ROBO2: variants seen among roughly 807,000 people sequenced by gnomAD.
ROBO2 encodes roundabout homolog 2.
A neutral mutation model predicts 160.8 loss-of-function variants in ROBO2; 53 were observed. The ratio of observed to expected loss-of-function variants is 0.33; its 90% CI spans 0.26 to 0.41. The LOEUF (loss-of-function observed/expected upper bound fraction) is 0.41, where lower values mean the gene tolerates loss of function less well. Among genes scored for constraint, ROBO2 ranks in the 10% least tolerant of loss-of-function variants. The pLI, the probability that ROBO2 is intolerant of heterozygous loss-of-function variation, is 1.00. For synonymous variants in ROBO2, 664 were observed against 611.7 expected, an observed-to-expected ratio of 1.09 and a Z score of -1.26; for missense variants, 1,577 against 1,722.4, an observed-to-expected ratio of 0.92 and a Z score of 1.49.
intron 2 of ROBO2, among the ~76,000 whole-genome samples, chr3:76,076,825 T>A (rs887035426): frequency 6.6e-6 from 1 of 152,216 alleles, no homozygotes; most frequent in Admixed American, 6.5e-5. Context: ...AAACTCTAAT[T>A]AAAGAGATGC....
Position 77,021,890 on chromosome 3 carries a change from A to G in ROBO2, c.110-76124A>G, listed in dbSNP as rs182929802. Among the ~76,000 whole-genome samples, 51 of 152,276 alleles carry G rather than the reference A, an allele frequency of 3.3e-4. No homozygotes were observed. In the East Asian group the frequency reaches 8.9e-3, roughly 27 times the overall value. On this transcript the variant is annotated intron_variant, in intron 2 of 26. Transcript: ENST00000487694. ...AAGCAGGAAGGTCTTCACCAGATGAAGCCCCTTGATCTTGGACTTCCCAGC... is the reference window on the plus strand; with the variant it reads ...AAGCAGGAAGGTCTTCACCAGATGAGGCCCCTTGATCTTGGACTTCCCAGC...
intron 2 of ROBO2, among the ~76,000 whole-genome samples, chr3:77,025,909 A>T (rs867321021): frequency 6.6e-6 from 1 of 152,346 alleles, no homozygotes; most frequent in Middle Eastern, 3.4e-3. Flanking sequence ...ACAGGCAGAC[A>T]CAATTAATTC....
At chr3:76,466,579 TAATC>T (rs2078373255) in intron 2 of ROBO2, among the ~76,000 whole-genome samples, 2 of 152,060 alleles carry the variant, frequency 1.3e-5, no homozygotes, top group South Asian at 2.1e-4. Context: ...AAATATCTGA[TAATC>T]AATATTTTTA....
At chr3:76,544,077 A>G (rs1331103766) in intron 2 of ROBO2, among the ~76,000 whole-genome samples, 1 of 152,006 alleles carries the variant, frequency 6.6e-6, no homozygotes, top group Admixed American at 6.6e-5. Context: ...TCATTCCCAC[A>G]ATAGCCTTTC....
chr3:77,128,782 T>C (rs1192726695), intron 2 of ROBO2, among the ~76,000 whole-genome samples: 1 of 152,222 alleles, frequency 6.6e-6, no homozygotes, highest in Non-Finnish European at 1.5e-5. Context: ...GAACATACCG[T>C]GATACAAATC....
At chr3:76,795,116 T>G (rs937679852) in intron 2 of ROBO2, among the ~76,000 whole-genome samples, 1 of 152,124 alleles carries the variant, frequency 6.6e-6, no homozygotes, top group Non-Finnish European at 1.5e-5. Context: ...TTAATAAAAA[T>G]AATTCGTAGC....
intron 2 of ROBO2, among the ~76,000 whole-genome samples, chr3:76,700,632 T>C (rs2093028114): frequency 6.6e-6 from 1 of 152,160 alleles, no homozygotes; most frequent in Non-Finnish European, 1.5e-5. Context: ...ATATCCACAT[T>C]GGAAACTGCT....
chr3:76,917,711 G>C (rs757866979), intron 2 of ROBO2, among the ~76,000 whole-genome samples: 1 of 151,594 alleles, frequency 6.6e-6, no homozygotes, highest in Non-Finnish European at 1.5e-5. Context: ...GGCATCTGTC[G>C]TTCACATATG....
chr3:76,529,144 A>G (rs2082098758), intron 2 of ROBO2, among the ~76,000 whole-genome samples: 1 of 152,180 alleles, frequency 6.6e-6, no homozygotes, highest in African/African-American at 2.4e-5. Flanking sequence ...AAAACAGACA[A>G]GAGAATAACA....
chr3:76,755,893 T>TC (rs1299155801), intron 2 of ROBO2, among the ~76,000 whole-genome samples: 1 of 151,852 alleles, frequency 6.6e-6, no homozygotes, highest in African/African-American at 2.4e-5. Flanking sequence ...AACCATTGTA[T>TC]CCCTTCCTTT....
At chr3:76,283,893 T>A (rs181513046) in intron 2 of ROBO2, among the ~76,000 whole-genome samples, 1 of 152,052 alleles carries the variant, frequency 6.6e-6, no homozygotes, top group East Asian at 1.9e-4. Flanking sequence ...GAAAATCTTA[T>A]GAAGAGGTTC....
At chr3:77,098,367 G>A in intron 2 of ROBO2, 27 bp downstream of exon 2, 1 of 1,606,092 alleles carries the variant, frequency 6.2e-7, no homozygotes, top group Non-Finnish European at 8.5e-7. Flanking sequence ...AACCTCATGT[G>A]CACATTTACT....
At chr3:77,308,223 G>A (rs1039773408) in intron 2 of ROBO2, among the ~76,000 whole-genome samples, 19 of 151,976 alleles carry the variant, frequency 1.3e-4, no homozygotes, top group African/African-American at 3.6e-4. Flanking sequence ...TTTCATGTGA[G>A]AGATAACAAG....
chr3:76,206,026 G>A (rs763051326), intron 2 of ROBO2, among the ~76,000 whole-genome samples: 2 of 152,142 alleles, frequency 1.3e-5, no homozygotes, highest in Non-Finnish European at 2.9e-5. Flanking sequence ...CAAAGAGAGA[G>A]AGGTGGCTGT....
chr3:76,420,786 T>C (rs1257375287), intron 2 of ROBO2, among the ~76,000 whole-genome samples: 1 of 152,234 alleles, frequency 6.6e-6, no homozygotes, highest in East Asian at 1.9e-4. Flanking sequence ...TCTCTAACAG[T>C]ATTAACAATT....
In ROBO2 at chr3:77,486,411, G is replaced by A. The variant is rs553260713; in HGVS notation, c.667+5192G>A. On this transcript the variant is annotated intron_variant, in intron 4 of 25. Transcript: ENST00000461745. ...TGTAAAAGCATTCCTATTTCTCTGC[G>A]ACCTCACCAGCATCTGTTGTTACTT... is the stretch of plus-strand genomic sequence containing the variant. Among the ~76,000 whole-genome samples, 8 of 152,088 alleles carry A rather than the reference G, an allele frequency of 5.3e-5. No homozygotes were observed. The South Asian group carries it at 1.0e-3, about 20-fold the overall frequency.
intron 2 of ROBO2, among the ~76,000 whole-genome samples, chr3:77,201,370 A>G (rs2082895056): frequency 6.6e-6 from 1 of 152,226 alleles, no homozygotes; most frequent in African/African-American, 2.4e-5. Context: ...TCCAGAAAGC[A>G]GCAAACTCCA....
At chr3:75,958,442 A>G (rs898335921) in intron 2 of ROBO2, among the ~76,000 whole-genome samples, 11 of 151,834 alleles carry the variant, frequency 7.2e-5, no homozygotes, top group African/African-American at 2.4e-4. Flanking sequence ...AAAAACTCAA[A>G]CTATACAACT....
chr3:76,256,099 G>T (rs906255103), intron 2 of ROBO2, among the ~76,000 whole-genome samples: 3 of 151,916 alleles, frequency 2.0e-5, no homozygotes, highest in Admixed American at 1.3e-4. Flanking sequence ...AGGAGTTCAA[G>T]ATTAGCCTGG....
Sources: gnomAD v4.1 joint callset for allele counts (sites outside exome capture counted in the v4.1 genomes callset) on GRCh38, gnomAD v4.1.1 for gene constraint, MANE v1.5 for transcripts, NCBI Gene and HGNC (gene_info 2026-07-23, HGNC 2026-07-21) for gene names.